MAP2K6: variants seen among roughly 807,000 people sequenced by gnomAD.
MAP2K6 encodes the protein mitogen-activated protein kinase kinase 6, also known as dual specificity mitogen-activated protein kinase kinase 6.
A neutral mutation model predicts 53.7 loss-of-function variants in MAP2K6; 16 were observed. That is an observed-to-expected ratio of 0.30 (90% CI 0.20 to 0.45). The LOEUF is 0.45. Ranked by LOEUF, MAP2K6 falls within the 20% of genes least tolerant of loss-of-function variation. MAP2K6 has a pLI of 1.00. For synonymous variants in MAP2K6, 132 were observed against 143.1 expected (o/e 0.92, Z 0.55); for missense variants, 204 against 411.9 (o/e 0.50, Z 4.37).
At chr17:69,419,429 T>G (rs907123826) in intron 1 of MAP2K6, among the ~76,000 whole-genome samples, 1 of 152,228 alleles carries the variant, frequency 6.6e-6, no homozygotes, top group African/African-American at 2.4e-5. Flanking sequence ...TGGTACATAT[T>G]GCCAAGTAAA....
rs1362321024 is a variant in MAP2K6 at position 69,543,895 on chromosome 17, G to T, written c.*2142G>T. The stretch of plus-strand genomic sequence containing the variant: ...TAGAGTAGAGAAAAAGTTAGTCTAT[G>T]GTTCTCAACCCTCGTGTACATTGGA... On this transcript the variant is annotated 3_prime_UTR_variant, in exon 12 of 12. Transcript: ENST00000590474. The T allele has an allele frequency of 6.6e-6, 1 of 152,172 alleles. No homozygotes were observed. The highest frequency in any genetic ancestry group is 1.5e-5 in the Non-Finnish European group (1 of 68,030). 9.4% of individuals were successfully genotyped at this position (152,172 alleles called of 1,614,324 possible).
chr17:69,535,832 T>A (rs1376913088), intron 10 of MAP2K6, among the ~76,000 whole-genome samples: 1 of 151,270 alleles, frequency 6.6e-6, no homozygotes, highest in African/African-American at 2.4e-5. Context: ...TGGCTATAGA[T>A]CAGAAAAATT....
At chr17:69,427,752 A>G (rs1031487341) in intron 1 of MAP2K6, among the ~76,000 whole-genome samples, 1 of 152,206 alleles carries the variant, frequency 6.6e-6, no homozygotes, top group Admixed American at 6.5e-5. Context: ...CCTGTCAGCC[A>G]TATCATCTCA....
At chr17:69,498,804 T>C (rs998349629) in intron 1 of MAP2K6, among the ~76,000 whole-genome samples, 2 of 152,126 alleles carry the variant, frequency 1.3e-5, no homozygotes, top group African/African-American at 4.8e-5. Context: ...AGGCACTAGT[T>C]CTAGGAGGTC....
intron 8 of MAP2K6, 92 bp downstream of exon 8, chr17:69,523,733 G>A (rs748507236): frequency 1.1e-5 from 17 of 1,513,938 alleles, no homozygotes; most frequent in Non-Finnish European, 1.5e-5. Flanking sequence ...AGGGAAAATG[G>A]AAATGTACCT....
intron 1 of MAP2K6, among the ~76,000 whole-genome samples, chr17:69,459,709 CAAAAAAAAAAAAAAA>C (rs71144694): frequency 3.6e-5 from 2 of 55,918 alleles, no homozygotes; most frequent in African/African-American, 1.6e-4. Flanking sequence ...GACTCTGTCT[CAAAAAAAAAAAAAAA>C]AAAAAAAAAA....
Position 69,553,269 on chromosome 17 carries a change from T to C in MAP2K6, c.*11516T>C, listed in dbSNP as rs575549576. The C allele has an allele frequency of 6.6e-6, 1 of 152,334 alleles. No individual in the cohort carries two copies. Among genetic ancestry groups the C allele is most frequent in the East Asian group, 1.9e-4 (1 of 5,178 alleles). The allele number at this position is 152,334 out of a possible 1,614,324, so 9.4% of individuals were successfully genotyped here. On this transcript the variant is annotated 3_prime_UTR_variant, in exon 12 of 12. Transcript: ENST00000590474. ...CATCTAGTAAAAAACAACCTTTTCA[T>C]TTCCCTCCTTTCTAATCCAAGATCA...
Position 69,431,341 on chromosome 17 carries a change from G to T in MAP2K6, c.16+16341G>T, listed in dbSNP as rs1906455627. Among the ~76,000 whole-genome samples, 2 of 149,540 alleles carry T rather than the reference G, an allele frequency of 1.3e-5. 1 individual carries two copies. The highest frequency in any genetic ancestry group is 4.2e-4 in the South Asian group (2 of 4,816). On this transcript the variant is annotated intron_variant, in intron 1 of 11. Transcript: ENST00000590474. ...ACAATTATACTATATTGTATATTAT[G>T]CATATAATTATGTCTTATAATTATA...
intron 10 of MAP2K6, among the ~76,000 whole-genome samples, chr17:69,534,686 C>A (rs193076619): frequency 1.3e-5 from 2 of 152,038 alleles, no homozygotes; most frequent in African/African-American, 4.8e-5. Flanking sequence ...TGAGGCAGAG[C>A]TCACGTCACA....
chr17:69,535,089 A>T (rs1911288385), intron 10 of MAP2K6, among the ~76,000 whole-genome samples: 1 of 151,966 alleles, frequency 6.6e-6, no homozygotes, highest in South Asian at 2.1e-4. Context: ...TTAAATAATA[A>T]GTAACAGCAT....
intron 1 of MAP2K6, among the ~76,000 whole-genome samples, chr17:69,457,647 A>G (rs1261969704): frequency 1.3e-5 from 2 of 152,142 alleles, no homozygotes; most frequent in African/African-American, 2.4e-5. Context: ...ACAAACAAAC[A>G]AACAAAAATT....
Position 69,517,006 on chromosome 17 carries a change from C to A in MAP2K6, c.132+103C>A, listed in dbSNP as rs570327826. On this transcript the variant is annotated intron_variant, in intron 3 of 11. Coordinates refer to ENST00000590474, the MANE Select transcript of MAP2K6 (RefSeq NM_002758.4). ...CCTAGCATGCTGTCAGGGGATGAGTCAAAAAAAGTTTGCATTTAAAGGGAA... is the reference window on the plus strand; with the variant it reads ...CCTAGCATGCTGTCAGGGGATGAGTAAAAAAAAGTTTGCATTTAAAGGGAA... 5.5e-6 allele frequency: 5 copies of A among 914,230 alleles called. No homozygotes were observed. The East Asian group carries it at 7.5e-5, about 14-fold the overall frequency. The allele number at this position is 914,230 out of a possible 1,614,324, so 56.6% of individuals were successfully genotyped here. A position where few individuals can be genotyped will look rare whatever the true frequency, so the allele number is the denominator to read the frequency against.
At chr17:69,455,643 A>G (rs2715810) in intron 1 of MAP2K6, among the ~76,000 whole-genome samples, 106,211 of 152,024 alleles carry the variant, frequency 0.7, 37,295 homozygotes, top group Non-Finnish European at 0.72. Flanking sequence ...AACTTTTTCT[A>G]CAAACAGTGA....
intron 1 of MAP2K6, among the ~76,000 whole-genome samples, chr17:69,467,621 A>G (rs780478912): frequency 6.6e-6 from 1 of 152,190 alleles, no homozygotes; most frequent in Non-Finnish European, 1.5e-5. Flanking sequence ...TGGTGAGACA[A>G]CTGAGAACAT....
chr17:69,432,614 G>A (rs1906499116), intron 1 of MAP2K6, among the ~76,000 whole-genome samples: 1 of 151,700 alleles, frequency 6.6e-6, no homozygotes, highest in African/African-American at 2.4e-5. Context: ...GAGAACGCAT[G>A]GACACAGGGA....
Position 69,440,975 on chromosome 17 carries a change from C to T in MAP2K6, c.16+25975C>T, listed in dbSNP as rs79547620. On this transcript the variant is annotated intron_variant, in intron 1 of 11. Coordinates refer to ENST00000590474, the MANE Select transcript of MAP2K6 (RefSeq NM_002758.4). Reference sequence around the variant, plus strand: ...CAGCATGAATCCATAGGGGCACATGCGTGAGTGTGTATATATGTGTGTGTG... The same window carrying T: ...CAGCATGAATCCATAGGGGCACATGTGTGAGTGTGTATATATGTGTGTGTG... Among the ~76,000 whole-genome samples the T allele has an allele frequency of 5.6e-3, 849 of 151,978 alleles. 7 individuals are homozygous for T. Among genetic ancestry groups the T allele is most frequent in the African/African-American group, 0.019 (805 of 41,446 alleles).
chr17:69,513,229 A>G (rs568392704), intron 2 of MAP2K6, among the ~76,000 whole-genome samples: 1 of 152,364 alleles, frequency 6.6e-6, no homozygotes, highest in South Asian at 2.1e-4. Context: ...CCTGCGGCAC[A>G]GGCGAATTGA....
chr17:69,446,419 A>T (rs1906965513), intron 1 of MAP2K6, among the ~76,000 whole-genome samples: 1 of 152,254 alleles, frequency 6.6e-6, no homozygotes, highest in South Asian at 2.1e-4. Context: ...CATGTTACTC[A>T]GGCTAAATCA....
intron 1 of MAP2K6, among the ~76,000 whole-genome samples, chr17:69,445,559 A>G (rs1199298749): frequency 6.6e-6 from 1 of 152,232 alleles, no homozygotes; most frequent in Non-Finnish European, 1.5e-5. Context: ...TAGATGGGAA[A>G]ACTTCTGCAT....
Sources: gnomAD v4.1 joint callset for allele counts (sites outside exome capture counted in the v4.1 genomes callset) on GRCh38, gnomAD v4.1.1 for gene constraint, MANE v1.5 for transcripts, NCBI Gene and HGNC (gene_info 2026-07-23, HGNC 2026-07-21) for gene names.